USP32: variants seen among roughly 807,000 people sequenced by gnomAD.
USP32 encodes the protein ubiquitin specific peptidase 32, also known as ubiquitin carboxyl-terminal hydrolase 32.
USP32 carries 59 observed loss-of-function variants against 204.8 expected under a neutral mutation model. That is an observed-to-expected ratio of 0.29 (90% CI 0.23 to 0.36). The LOEUF is 0.36. Among genes scored for constraint, USP32 ranks in the 10% least tolerant of loss-of-function variants. USP32 has a pLI of 1.00. For missense variants in USP32, 1,160 were observed against 1,946.4 expected, an observed-to-expected ratio of 0.60 and a Z score of 7.60; for synonymous variants, 517 against 678.4, an observed-to-expected ratio of 0.76 and a Z score of 3.70.
intron 1 of USP32, among the ~76,000 whole-genome samples, chr17:60,411,415 G>A (rs1405497368): frequency 6.6e-6 from 1 of 151,086 alleles, no homozygotes; most frequent in Non-Finnish European, 1.5e-5. Flanking sequence ...AGGAGGCTGA[G>A]GTGGGAGGAT....
intron 16 of USP32, among the ~76,000 whole-genome samples, chr17:60,218,639 C>T (rs8069574): frequency 0.04 from 6,009 of 151,844 alleles, 438 homozygotes; most frequent in African/African-American, 0.14. Context: ...AGTCTCACTC[C>T]GTCACCCAGG....
chr17:60,225,268 C>A (rs543113614), intron 13 of USP32, among the ~76,000 whole-genome samples: 1 of 152,024 alleles, frequency 6.6e-6, no homozygotes, highest in East Asian at 1.9e-4. Context: ...GCCTGGGCAA[C>A]ATGGCAAAAC....
chr17:60,278,623 T>C (rs2086894275), intron 5 of USP32, among the ~76,000 whole-genome samples: 1 of 152,090 alleles, frequency 6.6e-6, no homozygotes, highest in Non-Finnish European at 1.5e-5. Flanking sequence ...GGATCACCTA[T>C]AGAAAGGTTT....
chr17:60,402,734 A>G (rs959227813), intron 1 of USP32, among the ~76,000 whole-genome samples: 2 of 152,198 alleles, frequency 1.3e-5, no homozygotes, highest in African/African-American at 4.8e-5. Flanking sequence ...TTTGCTTATG[A>G]AACTGCAATG....
intron 11 of USP32, among the ~76,000 whole-genome samples, chr17:60,236,851 C>T (rs993035093): frequency 1.1e-4 from 17 of 152,218 alleles, no homozygotes; most frequent in African/African-American, 3.9e-4. Context: ...AAACACATGG[C>T]CTTTTAAAAA....
chr17:60,388,103 A>T (rs1292363777), intron 1 of USP32, among the ~76,000 whole-genome samples: 3 of 152,142 alleles, frequency 2.0e-5, no homozygotes. Context: ...TGCTGAATTA[A>T]TGAGCAAAAG....
rs190363040 is a variant in USP32 at position 60,340,968 on chromosome 17, T to G, written c.186+4513A>C. Among the ~76,000 whole-genome samples, 204 of 152,056 alleles carry G rather than the reference T, an allele frequency of 1.3e-3. 1 individual carries two copies. The highest frequency in any genetic ancestry group is 4.5e-3 in the African/African-American group (188 of 41,518). Reference sequence around the variant, plus strand: ...AGATATGAAATTCTGGGTTGAAAATTCTTTTCTTTAAGAATGTTGAATATT... The same window carrying G: ...AGATATGAAATTCTGGGTTGAAAATGCTTTTCTTTAAGAATGTTGAATATT... On this transcript the variant is annotated intron_variant, in intron 2 of 33. Coordinates refer to ENST00000300896, the MANE Select transcript of USP32 (RefSeq NM_032582.4).
intron 2 of USP32, chr17:60,316,037 T>A (rs1391074338): frequency 1.2e-5 from 2 of 173,076 alleles, no homozygotes; most frequent in African/African-American, 4.8e-5. Flanking sequence ...CCTTCCAGCA[T>A]CTGATATGGG....
rs1417187132 is a variant in USP32, at chr17:60,350,952, G to T, written c.59-5344C>A. 1.3e-5 allele frequency among the ~76,000 whole-genome samples: 2 copies of T among 151,934 alleles called. 1 individual carries two copies. The highest frequency in any genetic ancestry group is 4.8e-5 in the African/African-American group (2 of 41,350). On this transcript the variant is annotated intron_variant, in intron 1 of 33. Coordinates refer to ENST00000300896, the MANE Select transcript of USP32 (RefSeq NM_032582.4). ...GGACAAGAGAGACACGAGAACCTAA[G>T]AGACAGTCAAATTTTTCTGGTGCAC...
At chr17:60,385,325 G>A (rs1269940570) in intron 1 of USP32, among the ~76,000 whole-genome samples, 6 of 152,078 alleles carry the variant, frequency 3.9e-5, no homozygotes, top group Non-Finnish European at 4.4e-5. Flanking sequence ...GACTCAGCCC[G>A]CCTGCACCCA....
chr17:60,183,986 T>C (rs1445391750), intron 30 of USP32, among the ~76,000 whole-genome samples: 1 of 152,162 alleles, frequency 6.6e-6, no homozygotes, highest in East Asian at 1.9e-4. Flanking sequence ...CTCAATTTTT[T>C]TTAAAAGGTC....
chr17:60,234,388 C>T (rs1362191723), intron 12 of USP32, among the ~76,000 whole-genome samples: 1 of 150,052 alleles, frequency 6.7e-6, no homozygotes, highest in Non-Finnish European at 1.5e-5. Flanking sequence ...GCTGGGATTA[C>T]AGGTGTGAGC....
chr17:60,259,594 T>C (rs1363633795), intron 9 of USP32, among the ~76,000 whole-genome samples: 1 of 152,118 alleles, frequency 6.6e-6, no homozygotes, highest in Non-Finnish European at 1.5e-5. Flanking sequence ...AAATAACAAG[T>C]ATGCAATGAT....
chr17:60,299,230 ATAAAAC>A (rs1266456522), intron 3 of USP32, among the ~76,000 whole-genome samples: 1 of 152,222 alleles, frequency 6.6e-6, no homozygotes. Flanking sequence ...TTATACCTCA[ATAAAAC>A]TTTTCTTAAA....
intron 11 of USP32, among the ~76,000 whole-genome samples, chr17:60,241,363 T>C (rs2145661313): frequency 6.6e-6 from 1 of 152,352 alleles, no homozygotes; most frequent in Admixed American, 6.5e-5. Flanking sequence ...CCAGGTGGGT[T>C]GCCATTTTCA....
chr17:60,301,527 CT>C (rs2087575373), intron 3 of USP32, 71 bp downstream of exon 3: 1 of 916,392 alleles, frequency 1.1e-6, no homozygotes, highest in Admixed American at 3.6e-5. Flanking sequence ...AATCCTCTAC[CT>C]GTCATCAGAA....
chr17:60,255,860 T>C (rs1428061862), intron 9 of USP32, among the ~76,000 whole-genome samples: 1 of 152,222 alleles, frequency 6.6e-6, no homozygotes, highest in Non-Finnish European at 1.5e-5. Flanking sequence ...TCAACAAAGA[T>C]GTTCTGGTAA....
chr17:60,225,608 T>A (rs959328883), intron 13 of USP32, among the ~76,000 whole-genome samples: 4 of 152,138 alleles, frequency 2.6e-5, no homozygotes, highest in Non-Finnish European at 4.4e-5. Context: ...AAGCCTGATC[T>A]CCTATTACCA....
intron 12 of USP32, among the ~76,000 whole-genome samples, chr17:60,232,312 G>A (rs1226697350): frequency 6.7e-6 from 1 of 149,648 alleles, no homozygotes; most frequent in Non-Finnish European, 1.5e-5. Flanking sequence ...AGCTGGAACT[G>A]CAGGCACACG....
Sources: gnomAD v4.1 joint callset for allele counts (sites outside exome capture counted in the v4.1 genomes callset) on GRCh38, gnomAD v4.1.1 for gene constraint, MANE v1.5 for transcripts, NCBI Gene and HGNC (gene_info 2026-07-23, HGNC 2026-07-21) for gene names.